Variants in SUGCT observed in about 807,000 individuals in gnomAD.
SUGCT encodes the protein succinyl-CoA:glutarate CoA-transferase.
SUGCT carries 41 observed loss-of-function variants against 55.0 expected under a neutral mutation model. That is an observed-to-expected ratio of 0.74 (90% CI 0.58 to 0.97). The LOEUF (loss-of-function observed/expected upper bound fraction) is 0.97, where lower values mean the gene tolerates loss of function less well. SUGCT is among the 50% of genes least tolerant of loss of function. The probability of loss-of-function intolerance (pLI) is 0.00; values close to 1 mark genes in which losing one functional copy is unlikely to be tolerated. For missense variants in SUGCT, 568 were observed against 547.8 expected (o/e 1.04, Z -0.37); for synonymous variants, 187 against 200.4 (o/e 0.93, Z 0.56).
chr7:40,204,812 T>C (rs1786861146), intron 6 of SUGCT, among the ~76,000 whole-genome samples: 1 of 151,532 alleles, frequency 6.6e-6, no homozygotes, highest in East Asian at 1.9e-4. Flanking sequence ...CACAAGCCTG[T>C]AGTTCCAGCT....
At chr7:40,680,480 T>C (rs1286953572) in intron 12 of SUGCT, among the ~76,000 whole-genome samples, 2 of 152,054 alleles carry the variant, frequency 1.3e-5, no homozygotes, top group African/African-American at 2.4e-5. Flanking sequence ...AAGAAAGGAT[T>C]ACACACCCAC....
At chr7:40,213,029 A>C (rs1214366559) in intron 6 of SUGCT, among the ~76,000 whole-genome samples, 3 of 152,228 alleles carry the variant, frequency 2.0e-5, no homozygotes, top group Non-Finnish European at 2.9e-5. Context: ...ATTTAAAACT[A>C]AATAAAATTT....
chr7:40,646,311 A>G (rs1213615974), intron 12 of SUGCT, among the ~76,000 whole-genome samples: 1 of 151,952 alleles, frequency 6.6e-6, no homozygotes, highest in Non-Finnish European at 1.5e-5. Flanking sequence ...ACCCTTTTCT[A>G]TCTATTATCT....
Position 40,195,061 on chromosome 7 carries a change from G to A in SUGCT, c.484+1G>A, listed in dbSNP as rs373643695. ...CACATCATCTATTGTTCCATCACAG[G>A]TATTTCAACCCCACACCCTTGTCAG... On this transcript the variant is annotated splice_donor_variant, in intron 6 of 13. Transcript: ENST00000335693. LOFTEE classifies it high-confidence loss of function. 54 of 1,611,596 alleles carry A rather than the reference G, an allele frequency of 3.4e-5. No homozygotes were observed. The African/African-American group carries it at 6.4e-4, about 19-fold the overall frequency.
chr7:40,563,745 TA>T (rs1475066435), intron 12 of SUGCT, among the ~76,000 whole-genome samples: 1 of 151,430 alleles, frequency 6.6e-6, no homozygotes, highest in Non-Finnish European at 1.5e-5. Context: ...ATAGTATTAA[TA>T]ATAATAAAAG....
At chr7:40,303,005 C>A (rs1794628011) in intron 8 of SUGCT, among the ~76,000 whole-genome samples, 1 of 152,158 alleles carries the variant, frequency 6.6e-6, no homozygotes, top group South Asian at 2.1e-4. Flanking sequence ...TCTATTCTAG[C>A]ATATTTCTTC....
the SUGCT span, among the ~76,000 whole-genome samples, chr7:40,974,786 T>C: frequency 6.6e-6 from 1 of 152,184 alleles, no homozygotes; most frequent in African/African-American, 2.4e-5. Flanking sequence ...AAAGCACAAA[T>C]GCTAAGTGAA....
At chr7:40,949,035 C>T in the SUGCT span, among the ~76,000 whole-genome samples, 2 of 152,242 alleles carry the variant, frequency 1.3e-5, no homozygotes, top group Non-Finnish European at 2.9e-5. Flanking sequence ...GCCACACTGT[C>T]TTCCACTATG....
chr7:40,925,325 A>G, the SUGCT span, among the ~76,000 whole-genome samples: 3 of 152,186 alleles, frequency 2.0e-5, no homozygotes, highest in African/African-American at 7.2e-5. Context: ...TGGTTTCTGC[A>G]TGACTCTTTC....
chr7:40,275,096 T>A (rs1286641385), intron 8 of SUGCT, among the ~76,000 whole-genome samples: 6 of 152,176 alleles, frequency 3.9e-5, no homozygotes, highest in Non-Finnish European at 5.9e-5. Flanking sequence ...CCACCACGAA[T>A]GGCCCATGTA....
At position 40,616,631 on chromosome 7, in the gene SUGCT, C is replaced by T. The variant is rs138191940; in HGVS notation, c.1089+120245C>T. 1.4e-3 allele frequency among the ~76,000 whole-genome samples: 217 copies of T among 152,326 alleles called. 1 individual carries two copies. Among genetic ancestry groups the T allele is most frequent in the African/African-American group, 4.7e-3 (196 of 41,568 alleles). ...ACTATTTTGGGGAGTAAGTAGTCCACTTGAAGTGCATGGTGGATTGTGGGA... is the reference window on the plus strand; with the variant it reads ...ACTATTTTGGGGAGTAAGTAGTCCATTTGAAGTGCATGGTGGATTGTGGGA... On this transcript the variant is annotated intron_variant, in intron 12 of 13. Coordinates refer to ENST00000335693, the MANE Select transcript of SUGCT (RefSeq NM_001193313.2).
intron 12 of SUGCT, among the ~76,000 whole-genome samples, chr7:40,658,412 T>C (rs930298860): frequency 1.3e-5 from 2 of 152,214 alleles, no homozygotes; most frequent in African/African-American, 4.8e-5. Context: ...AATATTATTA[T>C]AATCCCAAAC....
chr7:40,976,798 A>G, the SUGCT span, among the ~76,000 whole-genome samples: 8 of 152,190 alleles, frequency 5.3e-5, no homozygotes, highest in Non-Finnish European at 8.8e-5. Flanking sequence ...ACAGACCCCA[A>G]AGGTTTAAAG....
At chr7:40,440,802 C>A (rs1340530828) in intron 9 of SUGCT, among the ~76,000 whole-genome samples, 1 of 151,966 alleles carries the variant, frequency 6.6e-6, no homozygotes, top group Non-Finnish European at 1.5e-5. Flanking sequence ...GATTTTGAGA[C>A]CAGCCTGTGC....
At chr7:40,668,422 G>A (rs1305450459) in intron 12 of SUGCT, among the ~76,000 whole-genome samples, 2 of 151,928 alleles carry the variant, frequency 1.3e-5, no homozygotes, top group Non-Finnish European at 2.9e-5. Flanking sequence ...AAATATTTTT[G>A]TCTTGGGGAT....
chr7:40,138,173 T>A (rs1012426927), intron 1 of SUGCT, among the ~76,000 whole-genome samples: 6 of 152,144 alleles, frequency 3.9e-5, no homozygotes, highest in African/African-American at 1.4e-4. Context: ...AAGTCTCCAT[T>A]GCCCATCACT....
At chr7:40,506,145 A>G (rs913377483) in intron 12 of SUGCT, among the ~76,000 whole-genome samples, 1 of 152,142 alleles carries the variant, frequency 6.6e-6, no homozygotes. Context: ...CTTTCACCCT[A>G]AAAGATTTTC....
chr7:40,434,453 T>C (rs1047147916), intron 9 of SUGCT, among the ~76,000 whole-genome samples: 1 of 152,160 alleles, frequency 6.6e-6, no homozygotes, highest in Non-Finnish European at 1.5e-5. Context: ...GATTTTTTCA[T>C]TGGCAGATTC....
intron 9 of SUGCT, among the ~76,000 whole-genome samples, chr7:40,363,683 T>A (rs1798266543): frequency 6.6e-6 from 1 of 152,156 alleles, no homozygotes; most frequent in Non-Finnish European, 1.5e-5. Flanking sequence ...AGAGACAGTT[T>A]GTTATAATTT....
Sources: gnomAD v4.1 joint callset for allele counts (sites outside exome capture counted in the v4.1 genomes callset) on GRCh38, gnomAD v4.1.1 for gene constraint, MANE v1.5 for transcripts, NCBI Gene and HGNC (gene_info 2026-07-23, HGNC 2026-07-21) for gene names.